PTPN5: variants seen among roughly 807,000 people sequenced by gnomAD.
PTPN5 encodes the protein protein tyrosine phosphatase non-receptor type 5.
A neutral mutation model predicts 73.9 loss-of-function variants in PTPN5; 29 were observed. The observed-to-expected ratio is 0.39, with a 90% CI of 0.29 to 0.54. The LOEUF is 0.54. PTPN5 is among the 20% of genes least tolerant of loss of function. The probability of loss-of-function intolerance (pLI) is 0.65; values close to 1 mark genes in which losing one functional copy is unlikely to be tolerated. For missense variants in PTPN5, 652 were observed against 751.4 expected (o/e 0.87, Z 1.55); for synonymous variants, 267 against 304.7 (o/e 0.88, Z 1.29).
intron 3 of PTPN5, among the ~76,000 whole-genome samples, chr11:18,761,539 G>T (rs1850390316): frequency 6.6e-6 from 1 of 152,140 alleles, no homozygotes; most frequent in Non-Finnish European, 1.5e-5. Context: ...CATGAAAAAG[G>T]GTGTGTGCAT....
chr11:18,789,928 A>C (rs532849064), intron 1 of PTPN5, among the ~76,000 whole-genome samples: 22 of 152,270 alleles, frequency 1.4e-4, no homozygotes, highest in South Asian at 1.0e-3. Flanking sequence ...CCTGTTCCCC[A>C]AAAATCTATG....
intron 3 of PTPN5, among the ~76,000 whole-genome samples, chr11:18,746,165 AT>A (rs1280868457): frequency 8.0e-4 from 52 of 65,174 alleles, no homozygotes; most frequent in African/African-American, 3.5e-3. Context: ...AAATATAAAT[AT>A]ATATATATAT....
intron 1 of PTPN5, among the ~76,000 whole-genome samples, chr11:18,783,121 G>C (rs1851517608): frequency 6.6e-6 from 1 of 152,222 alleles, no homozygotes; most frequent in Admixed American, 6.5e-5. Flanking sequence ...GCCCCGAAGG[G>C]GCCCCAGGAG....
chr11:18,739,190 C>A (rs549218937), intron 8 of PTPN5, among the ~76,000 whole-genome samples: 4 of 152,170 alleles, frequency 2.6e-5, no homozygotes, highest in African/African-American at 7.2e-5. Flanking sequence ...TTGTGAAAAT[C>A]AAAATAAAAA....
At chr11:18,791,083 C>G (rs1851899099) in intron 1 of PTPN5, among the ~76,000 whole-genome samples, 2 of 152,106 alleles carry the variant, frequency 1.3e-5, no homozygotes, top group Non-Finnish European at 2.9e-5. Flanking sequence ...GCTAAAGGGT[C>G]GGTGGAGGCG....
chr11:18,787,854 G>C lies in PTPN5; in HGVS notation c.-114+3671C>G, dbSNP rs913088921. Among the ~76,000 whole-genome samples the C allele has an allele frequency of 2.0e-5, 3 of 152,084 alleles. No individual in the cohort carries two copies. The South Asian group carries it at 6.2e-4, about 31-fold the overall frequency. On this transcript the variant is annotated intron_variant, in intron 1 of 14. Transcript: ENST00000358540. Reference sequence around the variant, plus strand: ...GTCTTTTTAGCAACGTATCCCTAGGGGCTAGAACAACCTGGCATGTAACAG... The same window carrying C: ...GTCTTTTTAGCAACGTATCCCTAGGCGCTAGAACAACCTGGCATGTAACAG...
chr11:18,788,856 T>C (rs1191755955), intron 1 of PTPN5, among the ~76,000 whole-genome samples: 2 of 152,182 alleles, frequency 1.3e-5, no homozygotes, highest in African/African-American at 2.4e-5. Context: ...ATCTGCAAAA[T>C]GAGGATGATA....
At chr11:18,731,122 A>G (rs547974223) in intron 12 of PTPN5, among the ~76,000 whole-genome samples, 2 of 144,526 alleles carry the variant, frequency 1.4e-5, no homozygotes, top group Admixed American at 1.4e-4. Context: ...TCCTTCTTTT[A>G]TACATATATA....
At chr11:18,753,456 A>G (rs1849983890) in intron 3 of PTPN5, among the ~76,000 whole-genome samples, 1 of 152,166 alleles carries the variant, frequency 6.6e-6, no homozygotes, top group Non-Finnish European at 1.5e-5. Context: ...GTTTAATTCA[A>G]TGGCTTCCCT....
At chr11:18,755,089 T>C (rs187404981) in intron 3 of PTPN5, among the ~76,000 whole-genome samples, 24 of 152,312 alleles carry the variant, frequency 1.6e-4, no homozygotes, top group Non-Finnish European at 3.2e-4. Context: ...TCGTGTGCTC[T>C]CTCTTGGATC....
chr11:18,774,351 C>T (rs899517105), intron 1 of PTPN5, among the ~76,000 whole-genome samples: 1 of 152,160 alleles, frequency 6.6e-6, no homozygotes, highest in African/African-American at 2.4e-5. Flanking sequence ...GGGCTCTGAA[C>T]AATGCCAAGT....
intron 1 of PTPN5, among the ~76,000 whole-genome samples, chr11:18,775,369 G>A (rs1015825898): frequency 2.0e-5 from 3 of 152,188 alleles, no homozygotes; most frequent in Non-Finnish European, 4.4e-5. Flanking sequence ...TTTTACAGAC[G>A]AGAAAACTAA....
At chr11:18,746,617 C>T (rs1849655112) in intron 3 of PTPN5, among the ~76,000 whole-genome samples, 1 of 152,148 alleles carries the variant, frequency 6.6e-6, no homozygotes, top group Non-Finnish European at 1.5e-5. Flanking sequence ...CAAAAGGCTC[C>T]AGTCTCGTGG....
intron 1 of PTPN5, among the ~76,000 whole-genome samples, chr11:18,774,746 TCA>T (rs748172567): frequency 2.0e-5 from 3 of 152,210 alleles, no homozygotes; most frequent in Non-Finnish European, 2.9e-5. Context: ...GGTCAGAAAT[TCA>T]CAGTGATTCA....
chr11:18,742,577 A>T lies in PTPN5; in HGVS notation c.484-74T>A. The T allele has an allele frequency of 6.4e-7, 1 of 1,570,614 alleles. No individual in the cohort carries two copies. The highest frequency in any genetic ancestry group is 8.6e-7 in the Non-Finnish European group (1 of 1,163,058). On this transcript the variant is annotated intron_variant, in intron 6 of 14. Transcript: ENST00000358540. This position sits in a 1 kb window ranked among gnomAD's most constrained non-coding sequence, Gnocchi z 4.1. Reference sequence around the variant, plus strand: ...CCCGTGTTCCTGGAGTGCCCATGGGATTGACGCCCCCCCACTCCCTCAGTG... The same window carrying T: ...CCCGTGTTCCTGGAGTGCCCATGGGTTTGACGCCCCCCCACTCCCTCAGTG...
At chr11:18,772,637 T>C (rs1030010187) in intron 1 of PTPN5, among the ~76,000 whole-genome samples, 4 of 152,140 alleles carry the variant, frequency 2.6e-5, no homozygotes, top group Non-Finnish European at 5.9e-5. Flanking sequence ...GAAGGGAAGA[T>C]GAAAAGTGCA....
intron 1 of PTPN5, among the ~76,000 whole-genome samples, chr11:18,782,013 C>T (rs1229582519): frequency 1.3e-5 from 2 of 152,254 alleles, no homozygotes; most frequent in African/African-American, 4.8e-5. Context: ...GACGAGGCAG[C>T]TCAGTGTAGC....
chr11:18,782,788 T>G (rs1179105266), intron 1 of PTPN5, among the ~76,000 whole-genome samples: 1 of 152,194 alleles, frequency 6.6e-6, no homozygotes, highest in East Asian at 1.9e-4. Flanking sequence ...AGAACATGTG[T>G]GAGCATTTTT....
At position 18,782,909 on chromosome 11, in the gene PTPN5, G is replaced by C. The variant is rs541659887; in HGVS notation, c.-114+8616C>G. The stretch of plus-strand genomic sequence containing the variant: ...CCAAAGGCCAGTAGGTCCCTGTTGA[G>C]AAATACGGCTGCAAGCTATGGGGAG... On this transcript the variant is annotated intron_variant, in intron 1 of 14. Coordinates refer to ENST00000358540, the MANE Select transcript of PTPN5 (RefSeq NM_006906.2). Among the ~76,000 whole-genome samples the C allele has an allele frequency of 3.3e-5, 5 of 152,346 alleles. No individual in the cohort carries two copies. In the East Asian group the frequency reaches 9.6e-4, roughly 29 times the overall value.
Sources: gnomAD v4.1 joint callset for allele counts (sites outside exome capture counted in the v4.1 genomes callset) on GRCh38, gnomAD v4.1.1 for gene constraint, Gnocchi (gnomAD v3.1) non-coding constraint, MANE v1.5 for transcripts, NCBI Gene and HGNC (gene_info 2026-07-23, HGNC 2026-07-21) for gene names.